The following FAM24B variants were observed in gnomAD, a reference collection of about 807,000 sequenced individuals.
The protein encoded by FAM24B is protein FAM24B.
In FAM24B, 3 loss-of-function variants were observed where a neutral mutation model predicts 2.3. That is an observed-to-expected ratio of 1.29 (90% CI 0.59 to 3.32). The LOEUF is 3.32. Ranked by LOEUF, FAM24B falls within the 30% of genes most tolerant of loss-of-function variation. The pLI is 0.03. For missense variants in FAM24B, 98 were observed against 117.2 expected (o/e 0.84, Z 0.76); for synonymous variants, 36 against 46.3 (o/e 0.78, Z 0.90).
At chr10:122,865,962 G>C (rs1331369339) in intron 1 of FAM24B, among the ~76,000 whole-genome samples, 1 of 151,248 alleles carries the variant, frequency 6.6e-6, no homozygotes. Context: ...GAGTGCAGTG[G>C]TGCAATCTTG....
intron 1 of FAM24B, among the ~76,000 whole-genome samples, chr10:122,874,280 A>G (rs1847944573): frequency 6.6e-6 from 1 of 152,182 alleles, no homozygotes; most frequent in Admixed American, 6.5e-5. Context: ...TTTGCTTCAC[A>G]TATTTGATGC....
intron 1 of FAM24B, among the ~76,000 whole-genome samples, chr10:122,865,662 A>AT (rs1847792724): frequency 6.6e-6 from 1 of 151,998 alleles, no homozygotes; most frequent in Non-Finnish European, 1.5e-5. Flanking sequence ...CTGTGCTTCT[A>AT]TTTTCTGGAT....
intron 1 of FAM24B, among the ~76,000 whole-genome samples, chr10:122,858,493 G>A (rs538954453): frequency 1.3e-5 from 2 of 152,012 alleles, no homozygotes; most frequent in East Asian, 1.9e-4. Flanking sequence ...CATGGCACAT[G>A]TATACATATG....
chr10:122,856,223 A>C (rs1248996599), intron 1 of FAM24B, among the ~76,000 whole-genome samples: 1 of 152,222 alleles, frequency 6.6e-6, no homozygotes, highest in Non-Finnish European at 1.5e-5. Context: ...AAGGAGACAC[A>C]ATCAGCACAG....
intron 1 of FAM24B, among the ~76,000 whole-genome samples, chr10:122,858,563 A>G (rs1460371321): frequency 1.3e-5 from 2 of 152,118 alleles, no homozygotes; most frequent in African/African-American, 4.8e-5. Flanking sequence ...AATAAAAAAA[A>G]AAGAGTGTCA....
intron 1 of FAM24B, among the ~76,000 whole-genome samples, chr10:122,873,285 A>G (rs76180178): frequency 0.016 from 2,390 of 152,318 alleles, 59 homozygotes; most frequent in African/African-American, 0.054. Context: ...GTTTAAGCCA[A>G]CGCTCATTTA....
At chr10:122,859,300 T>A (rs528371068) in intron 1 of FAM24B, among the ~76,000 whole-genome samples, 1 of 152,298 alleles carries the variant, frequency 6.6e-6, no homozygotes, top group East Asian at 1.9e-4. Flanking sequence ...AATTCTATAT[T>A]GAAGCTAAGT....
At chr10:122,858,224 T>C (rs1847668923) in intron 1 of FAM24B, among the ~76,000 whole-genome samples, 1 of 152,072 alleles carries the variant, frequency 6.6e-6, no homozygotes, top group South Asian at 2.1e-4. Context: ...TATGCAGCCA[T>C]AAAAAATGAT....
intron 1 of FAM24B, among the ~76,000 whole-genome samples, chr10:122,872,942 AAAAAT>A (rs1209824083): frequency 1.3e-5 from 2 of 152,188 alleles, no homozygotes; most frequent in Non-Finnish European, 2.9e-5. Context: ...ATAACAATAC[AAAAAT>A]AAAATAAAAT....
intron 1 of FAM24B, among the ~76,000 whole-genome samples, chr10:122,870,227 C>G (rs1226004123): frequency 6.6e-6 from 1 of 152,176 alleles, no homozygotes; most frequent in East Asian, 1.9e-4. Flanking sequence ...TCTCCCAAGA[C>G]TAAACCAGAA....
At chr10:122,878,642 GA>G (rs1470560917) in intron 1 of FAM24B, among the ~76,000 whole-genome samples, 3 of 151,990 alleles carry the variant, frequency 2.0e-5, no homozygotes, top group Non-Finnish European at 2.9e-5. Flanking sequence ...CAGGTGAGGA[GA>G]TAATGACTAT....
chr10:122,851,316 T>A (rs1847530980), intron 2 of FAM24B, among the ~76,000 whole-genome samples: 1 of 152,186 alleles, frequency 6.6e-6, no homozygotes, highest in African/African-American at 2.4e-5. Context: ...GGACATCTCA[T>A]CACGAATTTC....
At chr10:122,862,599 G>C (rs778198789) in intron 1 of FAM24B, among the ~76,000 whole-genome samples, 3 of 151,870 alleles carry the variant, frequency 2.0e-5, no homozygotes, top group Non-Finnish European at 4.4e-5. Context: ...ATGAATAAAA[G>C]GCCTTTGTTT....
intron 1 of FAM24B, among the ~76,000 whole-genome samples, chr10:122,876,689 C>A (rs59898867): frequency 2.6e-5 from 4 of 152,108 alleles, no homozygotes; most frequent in African/African-American, 9.7e-5. Context: ...TATTTGCCTA[C>A]CCAGTTTGGG....
At chr10:122,871,746 G>A (rs1357320630) in intron 1 of FAM24B, among the ~76,000 whole-genome samples, 1 of 152,074 alleles carries the variant, frequency 6.6e-6, no homozygotes, top group East Asian at 1.9e-4. Flanking sequence ...GTAGAAAGCT[G>A]AAACTGGATC....
chr10:122,865,320 T>C (rs1847786689), intron 1 of FAM24B, among the ~76,000 whole-genome samples: 1 of 152,224 alleles, frequency 6.6e-6, no homozygotes, highest in African/African-American at 2.4e-5. Context: ...TTTTTTATGA[T>C]GAAGGGGTGT....
intron 1 of FAM24B, among the ~76,000 whole-genome samples, chr10:122,859,379 G>GA (rs1847692301): frequency 6.6e-6 from 1 of 152,202 alleles, no homozygotes; most frequent in Non-Finnish European, 1.5e-5. Context: ...TCAGAACAGA[G>GA]GCAGCCATTA....
At chr10:122,879,325 T>A (rs1399778810) in intron 1 of FAM24B, among the ~76,000 whole-genome samples, 160 bp downstream of exon 1, 1 of 151,888 alleles carries the variant, frequency 6.6e-6, no homozygotes, top group African/African-American at 2.4e-5. Context: ...GAGTTCGGAG[T>A]AAAATTAACC....
intron 2 of FAM24B, among the ~76,000 whole-genome samples, chr10:122,853,165 G>A (rs1183095100): frequency 6.6e-6 from 1 of 152,030 alleles, no homozygotes; most frequent in Non-Finnish European, 1.5e-5. Context: ...TACTTAGGAA[G>A]AATAAGAAAA....
Sources: gnomAD v4.1 joint callset for allele counts (sites outside exome capture counted in the v4.1 genomes callset) on GRCh38, gnomAD v4.1.1 for gene constraint, MANE v1.5 for transcripts, NCBI Gene and HGNC (gene_info 2026-07-23, HGNC 2026-07-21) for gene names.